Variants in CNTNAP2 observed in about 807,000 individuals in gnomAD.
CNTNAP2 encodes the protein contactin associated protein 2.
CNTNAP2 carries 98 observed loss-of-function variants against 155.2 expected under a neutral mutation model. That is an observed-to-expected ratio of 0.63 (90% CI 0.54 to 0.75). The LOEUF (loss-of-function observed/expected upper bound fraction) is 0.75. Among genes scored for constraint, CNTNAP2 ranks in the 30% least tolerant of loss-of-function variants. CNTNAP2 has a pLI of 0.00. For missense variants in CNTNAP2, 1,727 were observed against 1,688.1 expected (o/e 1.02, Z -0.40); for synonymous variants, 651 against 631.2 (o/e 1.03, Z -0.47).
intron 12 of CNTNAP2, among the ~76,000 whole-genome samples, chr7:147,575,511 C>CTGTGTGTG (rs377290787): frequency 0.013 from 1,789 of 132,610 alleles, 28 homozygotes; most frequent in South Asian, 0.021. Flanking sequence ...GGGTATACAA[C>CTGTGTGTG]TGTGTGTGTG....
At chr7:146,718,136 C>T (rs923657056) in intron 1 of CNTNAP2, among the ~76,000 whole-genome samples, 2 of 152,066 alleles carry the variant, frequency 1.3e-5, no homozygotes, top group Admixed American at 6.6e-5. Flanking sequence ...ATATGCTAGT[C>T]GATTTTGTTT....
chr7:146,976,328 T>A (rs35925803), intron 3 of CNTNAP2, among the ~76,000 whole-genome samples: 4 of 151,814 alleles, frequency 2.6e-5, no homozygotes, highest in African/African-American at 9.7e-5. Flanking sequence ...CCTGTCTATC[T>A]GGAGAGAGCC....
At chr7:147,366,457 A>T (rs1457264806) in intron 9 of CNTNAP2, among the ~76,000 whole-genome samples, 2 of 151,762 alleles carry the variant, frequency 1.3e-5, no homozygotes, top group African/African-American at 2.4e-5. Context: ...CCTTCTTTGT[A>T]TTACCTTTCC....
rs2074711 is a variant in CNTNAP2, at chr7:148,172,578, T to C, written c.3010+100T>C. The C allele has an allele frequency of 0.22, 234,638 of 1,079,348 alleles. 31,264 individuals carry two copies. Among genetic ancestry groups the C allele is most frequent in the East Asian group, 0.51 (21,496 of 42,348 alleles). The allele number at this position is 1,079,348 out of a possible 1,614,324, so 66.9% of individuals were successfully genotyped here. A position where few individuals can be genotyped will look rare whatever the true frequency, so the allele number is the denominator to read the frequency against. On this transcript the variant is annotated intron_variant, in intron 18 of 23. Transcript: ENST00000361727. Reference sequence around the variant, plus strand: ...ATATGTAAACAAGTGTACCTTATTCTGAGGTTAAGATGATCAGAATTTTTC... The same window carrying C: ...ATATGTAAACAAGTGTACCTTATTCCGAGGTTAAGATGATCAGAATTTTTC...
chr7:148,277,451 A>G (rs1796888698), intron 21 of CNTNAP2, among the ~76,000 whole-genome samples: 1 of 152,052 alleles, frequency 6.6e-6, no homozygotes, highest in African/African-American at 2.4e-5. Flanking sequence ...GTCGTCAGCT[A>G]TCAAGCAGTG....
intron 8 of CNTNAP2, among the ~76,000 whole-genome samples, chr7:147,137,917 G>GGTAGA (rs1563090114): frequency 2.0e-5 from 1 of 51,214 alleles, no homozygotes; most frequent in Non-Finnish European, 4.9e-5. Context: ...AGATAGATAG[G>GGTAGA]TAGATAGATA....
chr7:146,750,457 C>T (rs986394428), intron 1 of CNTNAP2, among the ~76,000 whole-genome samples: 2 of 152,176 alleles, frequency 1.3e-5, no homozygotes, highest in Non-Finnish European at 2.9e-5. Context: ...ATGAACTTGA[C>T]TCATGATTTT....
chr7:146,127,644 C>T (rs1290565213), intron 1 of CNTNAP2, among the ~76,000 whole-genome samples: 5 of 152,120 alleles, frequency 3.3e-5, no homozygotes, highest in African/African-American at 4.8e-5. Context: ...TGGGTGATCA[C>T]GTGCCTTTAA....
intron 6 of CNTNAP2, among the ~76,000 whole-genome samples, chr7:147,126,838 A>G (rs115375278): frequency 1.5e-3 from 236 of 152,304 alleles, no homozygotes; most frequent in African/African-American, 5.4e-3. Flanking sequence ...TAGTTACCTT[A>G]GGAATTGGGG....
intron 2 of CNTNAP2, among the ~76,000 whole-genome samples, chr7:146,813,876 T>C (rs1803115263): frequency 6.6e-6 from 1 of 152,068 alleles, no homozygotes; most frequent in Non-Finnish European, 1.5e-5. Context: ...GTTCTTATGG[T>C]AGTGAGTGAG....
At chr7:147,819,995 C>T (rs1584972906) in intron 13 of CNTNAP2, among the ~76,000 whole-genome samples, 1 of 151,908 alleles carries the variant, frequency 6.6e-6, no homozygotes, top group African/African-American at 2.4e-5. Context: ...TTTTATAGAT[C>T]TATTTTTTTA....
chr7:146,744,982 A>C (rs766996899), intron 1 of CNTNAP2, among the ~76,000 whole-genome samples: 2 of 152,162 alleles, frequency 1.3e-5, no homozygotes, highest in South Asian at 2.1e-4. Context: ...TGAATATTCA[A>C]CTCCCTAATC....
At chr7:147,994,215 T>C (rs1025494775) in intron 15 of CNTNAP2, among the ~76,000 whole-genome samples, 1 of 151,774 alleles carries the variant, frequency 6.6e-6, no homozygotes, top group Non-Finnish European at 1.5e-5. Flanking sequence ...TACAAAAAAA[T>C]AAAATAATTA....
chr7:147,393,931 G>A (rs1166054016), intron 9 of CNTNAP2, among the ~76,000 whole-genome samples: 2 of 151,980 alleles, frequency 1.3e-5, no homozygotes, highest in Non-Finnish European at 2.9e-5. Flanking sequence ...TTAATGAAGA[G>A]AAAAAGAAGA....
chr7:146,674,625 G>A (rs143669682), intron 1 of CNTNAP2, among the ~76,000 whole-genome samples: 1,784 of 152,206 alleles, frequency 0.012, 21 homozygotes, highest in Middle Eastern at 0.054. Context: ...TAGGGGCTGG[G>A]GAGGAACAGG....
intron 21 of CNTNAP2, among the ~76,000 whole-genome samples, chr7:148,328,497 TCTCTTGGTGTTCAATA>T (rs745452034): frequency 0.26 from 31,135 of 120,256 alleles, 3,741 homozygotes; most frequent in Middle Eastern, 0.35. Context: ...GTAGATTCCA[TCTCTTGGTGTTCAATA>T]GGCCTTGGGG....
chr7:147,873,190 G>A (rs1280954665), intron 13 of CNTNAP2, among the ~76,000 whole-genome samples: 1 of 152,134 alleles, frequency 6.6e-6, no homozygotes, highest in Non-Finnish European at 1.5e-5. Flanking sequence ...TTACCACTAA[G>A]GAGCTCTAAC....
At position 147,121,136 on chromosome 7, in the gene CNTNAP2, G is replaced by T. The variant is rs372998403; in HGVS notation, c.912G>T (p.Glu304Asp). 1.2e-6 allele frequency: 2 copies of T among 1,614,146 alleles called. No individual in the cohort carries two copies. The highest frequency in any genetic ancestry group is 3.3e-5 in the Admixed American group (2 of 60,024). ...TGCAGCACTTCCGTACCAATGGAGA[G>T]TTTGACTACCTGGACTTGGACTATG... ...RSMQHFRTNGEFDYLDLDYEI... is the reference protein window; with the variant it reads ...RSMQHFRTNGDFDYLDLDYEI... Residue 304 changes from glutamate to aspartate, a missense_variant, in exon 6 of 24, where the codon GAG (glutamate) becomes GAT (aspartate). Coordinates refer to ENST00000361727, the MANE Select transcript of CNTNAP2 (RefSeq NM_014141.6).
At chr7:148,255,221 A>G (rs778826403) in intron 20 of CNTNAP2, among the ~76,000 whole-genome samples, 11 of 152,184 alleles carry the variant, frequency 7.2e-5, no homozygotes, top group Non-Finnish European at 1.5e-4. Context: ...CTGAATTTTC[A>G]TTTGCAAGTC....
Sources: gnomAD v4.1 joint callset for allele counts (sites outside exome capture counted in the v4.1 genomes callset) on GRCh38, gnomAD v4.1.1 for gene constraint, MANE v1.5 for transcripts, NCBI Gene and HGNC (gene_info 2026-07-23, HGNC 2026-07-21) for gene names.